TAS1R2: variants seen among roughly 807,000 people sequenced by gnomAD.
TAS1R2 encodes taste 1 receptor member 2, also known as taste receptor type 1 member 2.
Under a neutral mutation model 49.3 loss-of-function variants are expected in TAS1R2, and 47 were observed. The ratio of observed to expected loss-of-function variants is 0.95; its 90% confidence interval spans 0.75 to 1.22. The LOEUF is 1.22. TAS1R2 is among the 50% of genes most tolerant of loss of function. The pLI is 0.00. For missense variants in TAS1R2, 1,155 were observed against 1,122.1 expected (o/e 1.03, Z -0.42); for synonymous variants, 479 against 467.9 (o/e 1.02, Z -0.31).
intron 3 of TAS1R2, among the ~76,000 whole-genome samples, chr1:18,850,264 G>A (rs530844767): frequency 2.1e-4 from 32 of 152,330 alleles, no homozygotes; most frequent in African/African-American, 7.7e-4. Flanking sequence ...GAACCTTGCT[G>A]GGCTAACGCT....
intron 4 of TAS1R2, among the ~76,000 whole-genome samples, chr1:18,847,703 G>T (rs1933947757): frequency 1.3e-5 from 2 of 152,206 alleles, no homozygotes; most frequent in Non-Finnish European, 2.9e-5. Context: ...TAGATTGACA[G>T]ATGTCAGACT....
intron 4 of TAS1R2, among the ~76,000 whole-genome samples, chr1:18,846,659 C>T (rs1380667544): frequency 6.6e-6 from 1 of 152,198 alleles, no homozygotes; most frequent in Non-Finnish European, 1.5e-5. Context: ...AAGATGAAGT[C>T]ATCCTGGAGG....
In TAS1R2 at chr1:18,854,778, T is replaced by C; in HGVS notation, c.692A>G (p.Asp231Gly). The change falls in exon 3 of 6, where the codon GAC becomes GGC. Residue 231 changes from aspartate (D) to glycine (G), a missense_variant. Asp to Gly is a moderately conservative substitution (Grantham distance 94). Transcript: ENST00000375371. The surrounding 1 kb of genome is among the most constrained non-coding windows in gnomAD (Gnocchi z 4.9). ...CGTCTCCTGGAAGGCGATGCAGATG[T>C]CGCGCCGGGCCACGCGCTCGCCAAG... The C allele has an allele frequency of 6.2e-7, 1 of 1,607,252 alleles. No homozygotes were observed. The highest frequency in any genetic ancestry group is 1.1e-5 in the South Asian group (1 of 90,708).
intron 4 of TAS1R2, among the ~76,000 whole-genome samples, chr1:18,848,185 T>C (rs1439720336): frequency 1.3e-5 from 2 of 152,084 alleles, no homozygotes; most frequent in African/African-American, 4.8e-5. Context: ...AGCTGTATGC[T>C]GTATATAGAG....
chr1:18,851,580 C>T lies in TAS1R2; in HGVS notation c.1258-2030G>A, dbSNP rs143234662. Among the ~76,000 whole-genome samples the T allele has an allele frequency of 1.6e-3, 247 of 152,216 alleles. 7 individuals carry two copies. The highest frequency in any genetic ancestry group is 0.013 in the East Asian group (67 of 5,178). On this transcript the variant is annotated intron_variant, in intron 3 of 5. Transcript: ENST00000375371. The stretch of plus-strand genomic sequence containing the variant: ...TCCTGACGTCATGATTCATCTGCCT[C>T]GGCCTGCCAAACTGCTGGGATTACA...
At chr1:18,852,644 G>A (rs4920565) in intron 3 of TAS1R2, among the ~76,000 whole-genome samples, 108,065 of 152,108 alleles carry the variant, frequency 0.71, 39,083 homozygotes, top group East Asian at 0.86. Flanking sequence ...CCTCTCCTTC[G>A]GGGCACTAGA....
At chr1:18,857,739 G>T in intron 1 of TAS1R2, 108 bp from the exon 2 acceptor site, 1 of 1,299,578 alleles carries the variant, frequency 7.7e-7, no homozygotes, top group Non-Finnish European at 1.0e-6. Flanking sequence ...CCAAGGCATT[G>T]ACTGAGAAGA....
At chr1:18,840,130 G>T (rs1933791416) in exon 6 of TAS1R2, 1 of 1,614,268 alleles carries the variant, frequency 6.2e-7, no homozygotes, top group East Asian at 2.2e-5. Flanking sequence ...GTGGGAAGCG[G>T]CTGGCCATCT....
intron 4 of TAS1R2, among the ~76,000 whole-genome samples, chr1:18,843,370 C>T (rs1253075362): frequency 6.6e-6 from 1 of 152,066 alleles, no homozygotes. Context: ...TTTTAGGAGG[C>T]CAAAGGTACA....
rs41273165 is a variant in TAS1R2 at position 18,840,171 on chromosome 1, C to T, written c.1948G>A (p.Val650Met). The T allele has an allele frequency of 4.2e-4, 679 of 1,614,194 alleles. 1 individual carries two copies. The highest frequency in any genetic ancestry group is 4.8e-4 in the Non-Finnish European group (572 of 1,180,044). Residue 650 changes from valine to methionine, a missense_variant, in exon 6 of 6, where the codon GTG becomes ATG. Val to Met is a conservative substitution (Grantham distance 21, BLOSUM62 1). Transcript: ENST00000375371. ...GCGCAGACGATCTGGAAAGAACGCA[C>T]GGCGATACAGGAGATGCAGATTGTG...
At chr1:18,840,162 A>T (rs992664245) in exon 6 of TAS1R2, 1 of 1,614,112 alleles carries the variant, frequency 6.2e-7, no homozygotes, top group Admixed American at 1.7e-5. Flanking sequence ...ACGATCTGGA[A>T]AGAACGCACG....
intron 4 of TAS1R2, among the ~76,000 whole-genome samples, chr1:18,843,571 T>G (rs1019836151): frequency 1.3e-5 from 2 of 152,194 alleles, no homozygotes; most frequent in Non-Finnish European, 2.9e-5. Context: ...GGGTAACAAG[T>G]CCAGAAAATG....
In TAS1R2 at chr1:18,859,473, A is replaced by T; in HGVS notation, c.182+6T>A. The T allele has an allele frequency of 6.2e-7, 1 of 1,613,758 alleles. No homozygotes were observed. ...TGCCACTTCCAGCCCCACACTGGAG[A>T]CTCACTCCTTGCACATGGGCACCTG... On this transcript the variant is annotated splice_donor_region_variant and intron_variant, in intron 1 of 5. Coordinates refer to ENST00000375371, the Ensembl canonical transcript of TAS1R2.
At position 18,854,376 on chromosome 1, in the gene TAS1R2, T is replaced by C. The variant is rs1934087467; in HGVS notation, c.1094A>G (p.Asn365Ser). 2 of 1,613,890 alleles carry C rather than the reference T, an allele frequency of 1.2e-6. No homozygotes were observed. Among genetic ancestry groups the C allele is most frequent in the Non-Finnish European group, 1.7e-6 (2 of 1,179,906 alleles). The change falls in exon 3 of 6, where the codon AAC becomes AGC. Residue 365 changes from asparagine to serine, a missense_variant. Coordinates refer to ENST00000375371, the Ensembl canonical transcript of TAS1R2. This position sits in a 1 kb window ranked among gnomAD's most constrained non-coding sequence, Gnocchi z 4.9. The stretch of plus-strand genomic sequence containing the variant: ...GAAGGACAAGGTGGCGTTCAGGCAG[T>C]TGTCGCACTCCTGGTTGCAGGTATA...
exon 6 of TAS1R2, chr1:18,840,207 G>T (rs1452442983): frequency 6.2e-7 from 1 of 1,614,222 alleles, no homozygotes; most frequent in East Asian, 2.2e-5. Flanking sequence ...AAGCAGAGGG[G>T]AAAGAGGGCC....
At chr1:18,849,502 T>G in exon 4 of TAS1R2, 1 of 1,614,144 alleles carries the variant, frequency 6.2e-7, no homozygotes, top group Non-Finnish European at 8.5e-7. Context: ...TCGAAGAAGA[T>G]TTGGTGGTCC....
intron 5 of TAS1R2, 131 bp downstream of exon 5, chr1:18,841,598 G>T: frequency 7.5e-7 from 1 of 1,332,766 alleles, no homozygotes; most frequent in Non-Finnish European, 1.0e-6. Flanking sequence ...CTGGTCCCTG[G>T]CCTTTGGACA....
At chr1:18,852,003 G>A (rs556150418) in intron 3 of TAS1R2, among the ~76,000 whole-genome samples, 2 of 152,346 alleles carry the variant, frequency 1.3e-5, no homozygotes, top group South Asian at 4.1e-4. Context: ...TGAACACCGT[G>A]TCCGGCACAT....
Position 18,854,533 on chromosome 1 carries a change from G to A in TAS1R2, c.937C>T (p.Leu313Phe), listed in dbSNP as rs1421888583. Residue 313 changes from leucine (L) to phenylalanine (F), a missense_variant, in exon 3 of 6, where the codon CTC becomes TTC. By Grantham distance (22) the Leu-to-Phe change is conservative. Coordinates refer to ENST00000375371, the Ensembl canonical transcript of TAS1R2. The surrounding 1 kb of genome is among the most constrained non-coding windows in gnomAD (Gnocchi z 4.9). Reference sequence around the variant, plus strand: ...GTGCCCAAGTGGCGCAGCTCCGTGAGGTTGTGCAGGACCGGGTCGATGGCC... The same window carrying A: ...GTGCCCAAGTGGCGCAGCTCCGTGAAGTTGTGCAGGACCGGGTCGATGGCC... 1.2e-6 allele frequency: 2 copies of A among 1,613,750 alleles called. No homozygotes were observed. The highest frequency in any genetic ancestry group is 3.3e-5 in the Admixed American group (2 of 60,012).
Sources: gnomAD v4.1 joint callset for allele counts (sites outside exome capture counted in the v4.1 genomes callset) on GRCh38, gnomAD v4.1.1 for gene constraint, Gnocchi (gnomAD v3.1) non-coding constraint, MANE v1.5 for transcripts, NCBI Gene and HGNC (gene_info 2026-07-23, HGNC 2026-07-21) for gene names.